The following SEC23IP variants were observed in gnomAD, a reference collection of about 807,000 sequenced individuals.
SEC23IP encodes SEC23-interacting protein.
In SEC23IP, 70 loss-of-function variants were observed where a neutral mutation model predicts 113.4. The ratio of observed to expected loss-of-function variants is 0.62; its 90% confidence interval spans 0.51 to 0.75. The LOEUF (loss-of-function observed/expected upper bound fraction) is 0.75. Ranked by LOEUF, SEC23IP falls within the 30% of genes least tolerant of loss-of-function variation. The pLI is 0.00. For synonymous variants in SEC23IP, 398 were observed against 421.0 expected (o/e 0.95, Z 0.67); for missense variants, 1,160 against 1,204.9 (o/e 0.96, Z 0.55).
rs1855978189 is a variant in SEC23IP, at chr10:119,941,929, A to T, written c.*1364A>T. 1 of 152,332 alleles carries T rather than the reference A, an allele frequency of 6.6e-6. No homozygotes were observed. Among genetic ancestry groups the T allele is most frequent in the East Asian group, 1.9e-4 (1 of 5,196 alleles). The allele number at this position is 152,332 out of a possible 1,614,324, so 9.4% of individuals were successfully genotyped here. A position where few individuals can be genotyped will look rare whatever the true frequency, so the allele number is the denominator to read the frequency against. On this transcript the variant is annotated 3_prime_UTR_variant, in exon 19 of 19. Transcript: ENST00000369075. ...ATAGATTTCAGCCACCTCATTCTAC[A>T]GCTGAGGCCAGGACAATAAATGCCT...
chr10:119,928,378 T>G (rs1209285372), intron 13 of SEC23IP, among the ~76,000 whole-genome samples: 1 of 152,248 alleles, frequency 6.6e-6, no homozygotes, highest in Non-Finnish European at 1.5e-5. Flanking sequence ...TTTCTTCTTT[T>G]TGTTTGCTGG....
intron 5 of SEC23IP, 88 bp from the exon 6 acceptor site, chr10:119,911,956 G>A (rs531274460): frequency 1.4e-6 from 2 of 1,466,542 alleles, no homozygotes; most frequent in African/African-American, 1.4e-5. Flanking sequence ...GTACTCTGAG[G>A]TATAGCTTAT....
In SEC23IP at chr10:119,898,574, C is replaced by T. The variant is rs1160737342; in HGVS notation, c.311C>T (p.Ala104Val). The change falls in exon 2 of 19, where the codon GCA (alanine) becomes GTA (valine). Residue 104 changes from alanine to valine, a missense_variant. Transcript: ENST00000369075. ...ATTGGACAGTCACCATTAACAACTG[C>T]AGCAACCTCAGTTGGACAATCAGGA... ...GNIGQSPLTTAATSVGQSGFP... is the reference protein window; with the variant it reads ...GNIGQSPLTTVATSVGQSGFP... The T allele has an allele frequency of 1.2e-6, 2 of 1,614,070 alleles. No individual in the cohort carries two copies. The highest frequency in any genetic ancestry group is 2.7e-5 in the African/African-American group (2 of 74,948).
intron 1 of SEC23IP, among the ~76,000 whole-genome samples, chr10:119,893,707 A>G (rs1311107114): frequency 6.6e-6 from 1 of 151,838 alleles, no homozygotes; most frequent in Non-Finnish European, 1.5e-5. Context: ...TGTAGTAGAG[A>G]CAGGGTTCCA....
At position 119,926,238 on chromosome 10, in the gene SEC23IP, A is replaced by G. The variant is rs189678651; in HGVS notation, c.2313+11A>G. The G allele has an allele frequency of 1.5e-4, 247 of 1,612,806 alleles. 1 individual carries two copies. The East Asian group carries it at 4.4e-3, about 29-fold the overall frequency. On this transcript the variant is annotated intron_variant, in intron 13 of 18. Coordinates refer to ENST00000369075, the MANE Select transcript of SEC23IP (RefSeq NM_007190.4). ...GTTGGCGCCGGACAGGTGAGTTTAC[A>G]TATTGACTGGGGCTACATAGTTCAT...
Position 119,942,890 on chromosome 10 carries a change from G to C in SEC23IP, c.*2325G>C, listed in dbSNP as rs1040360704. On this transcript the variant is annotated 3_prime_UTR_variant, in exon 19 of 19. Transcript: ENST00000369075. ...AACTGCACAGATTCGAGTGATTTTT[G>C]AGGTAAGTATGTTATTGGAAAGGTG... The C allele has an allele frequency of 3.3e-5, 5 of 152,194 alleles. No individual in the cohort carries two copies. The highest frequency in any genetic ancestry group is 1.2e-4 in the African/African-American group (5 of 41,458). The allele number at this position is 152,194 out of a possible 1,614,324, so 9.4% of individuals were successfully genotyped here.
intron 8 of SEC23IP, among the ~76,000 whole-genome samples, chr10:119,916,251 A>T (rs528084117): frequency 3.3e-4 from 50 of 152,172 alleles, no homozygotes; most frequent in Admixed American, 7.9e-4. Context: ...GGTAAAAATC[A>T]CCCCTGGCTG....
At chr10:119,901,053 G>A (rs1025770607) in intron 2 of SEC23IP, among the ~76,000 whole-genome samples, 1 of 135,184 alleles carries the variant, frequency 7.4e-6, no homozygotes, top group Admixed American at 7.3e-5. Flanking sequence ...GTGGGGGGGG[G>A]GTCTTGCTCT....
rs189678651 is a variant in SEC23IP, at chr10:119,926,238, A to T, written c.2313+11A>T. 2.5e-6 allele frequency: 4 copies of T among 1,612,688 alleles called. No individual in the cohort carries two copies. The African/African-American group carries it at 5.3e-5, about 22-fold the overall frequency. On this transcript the variant is annotated intron_variant, in intron 13 of 18. Coordinates refer to ENST00000369075, the MANE Select transcript of SEC23IP (RefSeq NM_007190.4). ...GTTGGCGCCGGACAGGTGAGTTTACATATTGACTGGGGCTACATAGTTCAT... is the reference window on the plus strand; with the variant it reads ...GTTGGCGCCGGACAGGTGAGTTTACTTATTGACTGGGGCTACATAGTTCAT...
At chr10:119,921,691 T>G (rs1855254924) in intron 12 of SEC23IP, among the ~76,000 whole-genome samples, 1 of 152,230 alleles carries the variant, frequency 6.6e-6, no homozygotes. Flanking sequence ...CATTTAAAAC[T>G]AGAACAACTG....
intron 4 of SEC23IP, among the ~76,000 whole-genome samples, chr10:119,905,194 A>G (rs936781341): frequency 1.4e-4 from 21 of 152,138 alleles, no homozygotes; most frequent in African/African-American, 5.1e-4. Context: ...ATATATATAA[A>G]GAAAAAAGTG....
intron 5 of SEC23IP, among the ~76,000 whole-genome samples, chr10:119,911,510 C>G (rs34459182): frequency 0.055 from 8,313 of 151,872 alleles, 426 homozygotes; most frequent in South Asian, 0.27. Flanking sequence ...GGATTTTGCT[C>G]TGTTGCCCAG....
intron 5 of SEC23IP, among the ~76,000 whole-genome samples, chr10:119,909,900 A>G (rs187525526): frequency 6.6e-6 from 1 of 152,346 alleles, no homozygotes; most frequent in East Asian, 1.9e-4. Context: ...AATAAATAAA[A>G]TAAGTATTTC....
At chr10:119,913,552 G>T (rs930768386) in intron 6 of SEC23IP, among the ~76,000 whole-genome samples, 4 of 50 alleles carry the variant, frequency 0.08, no homozygotes, top group Non-Finnish European at 0.15. Context: ...GTGCAGTGGC[G>T]TGATCTGGGG....
intron 2 of SEC23IP, among the ~76,000 whole-genome samples, chr10:119,900,719 C>A (rs990639006): frequency 6.6e-6 from 1 of 152,076 alleles, no homozygotes; most frequent in Non-Finnish European, 1.5e-5. Flanking sequence ...CTCAGCCTAC[C>A]AAAGTGCTGG....
At chr10:119,931,040 C>T (rs746394020) in intron 15 of SEC23IP, among the ~76,000 whole-genome samples, 1 of 152,054 alleles carries the variant, frequency 6.6e-6, no homozygotes, top group Non-Finnish European at 1.5e-5. Context: ...ATATTGAACT[C>T]TTTTGAAGTT....
Position 119,898,284 on chromosome 10 carries a change from A to G in SEC23IP, c.164-143A>G, listed in dbSNP as rs1034134722. On this transcript the variant is annotated intron_variant, in intron 1 of 18. Coordinates refer to ENST00000369075, the MANE Select transcript of SEC23IP (RefSeq NM_007190.4). ...AAGCAAGTTTTCAAAGAAAAAAAGA[A>G]AAAACTGTTTTTTTCTGTAATGCAG... is the stretch of plus-strand genomic sequence containing the variant. The G allele has an allele frequency of 2.6e-5, 34 of 1,309,252 alleles. 1 individual carries two copies. In the African/African-American group the frequency reaches 5.4e-4, roughly 21 times the overall value. The allele number at this position is 1,309,252 out of a possible 1,614,324, so 81.1% of individuals were successfully genotyped here.
At chr10:119,919,621 T>G (rs1179049681) in intron 11 of SEC23IP, 25 bp downstream of exon 11, 22 of 1,532,008 alleles carry the variant, frequency 1.4e-5, no homozygotes, top group Non-Finnish European at 1.9e-5. Flanking sequence ...TTGCTTCATT[T>G]TGTTTGAAAT....
chr10:119,913,398 A>G (rs1854932502), intron 6 of SEC23IP, among the ~76,000 whole-genome samples: 1 of 152,094 alleles, frequency 6.6e-6, no homozygotes, highest in Non-Finnish European at 1.5e-5. Flanking sequence ...TTTGCAGGCC[A>G]CATGGACTCT....
Sources: gnomAD v4.1 joint callset for allele counts (sites outside exome capture counted in the v4.1 genomes callset) on GRCh38, gnomAD v4.1.1 for gene constraint, MANE v1.5 for transcripts, NCBI Gene and HGNC (gene_info 2026-07-23, HGNC 2026-07-21) for gene names.